Variants in CCDC68 observed in about 807,000 individuals in gnomAD.
CCDC68 encodes coiled-coil domain containing 68.
In CCDC68, 45 loss-of-function variants were observed where a neutral mutation model predicts 47.1. The ratio of observed to expected loss-of-function variants is 0.96; its 90% CI spans 0.75 to 1.23. The LOEUF is 1.23. CCDC68 is among the 50% of genes most tolerant of loss of function. The probability of loss-of-function intolerance (pLI) is 0.00; values close to 1 mark genes in which losing one functional copy is unlikely to be tolerated. For missense variants in CCDC68, 353 were observed against 373.6 expected (o/e 0.94, Z 0.45); for synonymous variants, 131 against 129.5 (o/e 1.01, Z -0.08).
intron 10 of CCDC68, among the ~76,000 whole-genome samples, chr18:54,908,493 G>A (rs1441308789): frequency 6.6e-6 from 1 of 152,140 alleles, no homozygotes; most frequent in East Asian, 1.9e-4. Flanking sequence ...AACAGGAGTG[G>A]TTAGAGCACA....
chr18:54,958,250 G>C (rs55778364), intron 1 of CCDC68, among the ~76,000 whole-genome samples: 4,348 of 152,282 alleles, frequency 0.029, 75 homozygotes, highest in Non-Finnish European at 0.048. Flanking sequence ...ATTCCTCTGT[G>C]TCAGGGGCCT....
intron 10 of CCDC68, among the ~76,000 whole-genome samples, chr18:54,909,790 G>A (rs1403848582): frequency 6.6e-6 from 1 of 152,244 alleles, no homozygotes; most frequent in Non-Finnish European, 1.5e-5. Flanking sequence ...CGGGGAACAC[G>A]GTGGCACCCA....
intron 8 of CCDC68, among the ~76,000 whole-genome samples, chr18:54,922,247 G>A (rs989097181): frequency 2.6e-5 from 4 of 152,276 alleles, no homozygotes; most frequent in African/African-American, 9.6e-5. Context: ...ACCCCCAGCG[G>A]GTAAGGTGCC....
At chr18:54,936,179 TATAG>T (rs1160312892) in intron 6 of CCDC68, among the ~76,000 whole-genome samples, 6 of 145,250 alleles carry the variant, frequency 4.1e-5, no homozygotes, top group East Asian at 2.0e-4. Flanking sequence ...ATTATAATTA[TATAG>T]ATAAATATAT....
At chr18:54,912,367 A>G (rs898951517) in intron 10 of CCDC68, among the ~76,000 whole-genome samples, 1 of 152,190 alleles carries the variant, frequency 6.6e-6, no homozygotes, top group Non-Finnish European at 1.5e-5. Flanking sequence ...ACTGGCTAAG[A>G]AGAATTAAAC....
At position 54,917,129 on chromosome 18, in the gene CCDC68, G is replaced by A. The variant is rs566176298; in HGVS notation, c.873+784C>T. 2.0e-5 allele frequency among the ~76,000 whole-genome samples: 3 copies of A among 152,286 alleles called. No homozygotes were observed. In the South Asian group the frequency reaches 6.2e-4, roughly 32 times the overall value. ...CTAATAGAGGGGTCCTGAGGAAAGG[G>A]GAAGTGAATGGGAGAGAAGAAAAGC... On this transcript the variant is annotated intron_variant, in intron 10 of 11. Transcript: ENST00000591504.
intron 1 of CCDC68, among the ~76,000 whole-genome samples, chr18:54,950,154 C>A (rs1466388085): frequency 1.3e-5 from 2 of 152,164 alleles, no homozygotes; most frequent in Admixed American, 1.3e-4. Flanking sequence ...AAGAGCCCTG[C>A]TTGGTTTTAG....
chr18:54,915,033 T>C (rs2043921382), intron 10 of CCDC68, among the ~76,000 whole-genome samples: 1 of 152,138 alleles, frequency 6.6e-6, no homozygotes, highest in African/African-American at 2.4e-5. Flanking sequence ...CACATTGACT[T>C]TGTGATAAGA....
chr18:54,926,861 T>C (rs1001411164), intron 8 of CCDC68, among the ~76,000 whole-genome samples: 1 of 152,200 alleles, frequency 6.6e-6, no homozygotes, highest in Non-Finnish European at 1.5e-5. Context: ...ACTTCATCTC[T>C]TTCCCAGAAA....
intron 4 of CCDC68, 24 bp from the exon 5 acceptor site, chr18:54,938,121 T>C: frequency 2.5e-6 from 4 of 1,595,952 alleles, no homozygotes; most frequent in Non-Finnish European, 3.4e-6. Context: ...ATGAAAATCA[T>C]AGACCTGACT....
At chr18:54,941,861 T>G (rs1362039549) in intron 3 of CCDC68, among the ~76,000 whole-genome samples, 1 of 152,194 alleles carries the variant, frequency 6.6e-6, no homozygotes, top group Non-Finnish European at 1.5e-5. Flanking sequence ...AATGGTGTGA[T>G]CTCTGCTCAC....
At chr18:54,924,238 T>G (rs918944201) in intron 8 of CCDC68, among the ~76,000 whole-genome samples, 3 of 152,078 alleles carry the variant, frequency 2.0e-5, no homozygotes, top group Non-Finnish European at 4.4e-5. Context: ...AATACATGCT[T>G]TTCCCCATTG....
At chr18:54,945,133 A>G (rs1434035710) in intron 2 of CCDC68, among the ~76,000 whole-genome samples, 1 of 152,166 alleles carries the variant, frequency 6.6e-6, no homozygotes, top group Non-Finnish European at 1.5e-5. Context: ...TTAAAACTCA[A>G]AGAGAGAGGT....
At position 54,913,001 on chromosome 18, in the gene CCDC68, A is replaced by C. The variant is rs553035828; in HGVS notation, c.873+4912T>G. On this transcript the variant is annotated intron_variant, in intron 10 of 11. Transcript: ENST00000591504. The stretch of plus-strand genomic sequence containing the variant: ...TGGGGATTATGGGAGCTACAATTCA[A>C]GATGAGGTTTGGGTGAGGACACAGC... Among the ~76,000 whole-genome samples the C allele has an allele frequency of 6.6e-5, 10 of 152,310 alleles. No homozygotes were observed. In the East Asian group the frequency reaches 1.9e-3, roughly 29 times the overall value.
chr18:54,922,002 G>A (rs1483596501), intron 8 of CCDC68, among the ~76,000 whole-genome samples: 5 of 151,974 alleles, frequency 3.3e-5, no homozygotes, highest in Non-Finnish European at 5.9e-5. Flanking sequence ...CATGGTCCAC[G>A]GCAGGAAGTG....
At chr18:54,921,576 G>A (rs115359107) in intron 8 of CCDC68, among the ~76,000 whole-genome samples, 1 of 152,238 alleles carries the variant, frequency 6.6e-6, no homozygotes, top group Non-Finnish European at 1.5e-5. Flanking sequence ...TGAAGCAAAT[G>A]AGGGGCCTGG....
At chr18:54,935,224 C>A (rs2044324349) in intron 6 of CCDC68, among the ~76,000 whole-genome samples, 1 of 152,156 alleles carries the variant, frequency 6.6e-6, no homozygotes, top group South Asian at 2.1e-4. Context: ...GAGAAAGATG[C>A]TAATTTAACG....
chr18:54,938,172 T>C (rs2044381079), intron 4 of CCDC68, 75 bp from the exon 5 acceptor site: 1 of 1,353,346 alleles, frequency 7.4e-7, no homozygotes. Context: ...AATGATCATT[T>C]AGTATTACAT....
At chr18:54,955,534 G>GCATAAGCATAAGATATT in intron 1 of CCDC68, among the ~76,000 whole-genome samples, 1 of 152,118 alleles carries the variant, frequency 6.6e-6, no homozygotes, top group Non-Finnish European at 1.5e-5. Context: ...CATAAGTTGT[G>GCATAAGCATAAGATATT]AAGCATGACC....
Sources: gnomAD v4.1 joint callset for allele counts (sites outside exome capture counted in the v4.1 genomes callset) on GRCh38, gnomAD v4.1.1 for gene constraint, MANE v1.5 for transcripts, NCBI Gene and HGNC (gene_info 2026-07-23, HGNC 2026-07-21) for gene names.